PCOLCE2: variants seen among roughly 807,000 people sequenced by gnomAD.
The protein encoded by PCOLCE2 is procollagen C-endopeptidase enhancer 2.
A neutral mutation model predicts 47.0 loss-of-function variants in PCOLCE2; 42 were observed. The ratio of observed to expected loss-of-function variants is 0.89; its 90% CI spans 0.70 to 1.16. The LOEUF (loss-of-function observed/expected upper bound fraction) is 1.16. Among genes scored for constraint, PCOLCE2 ranks in the 50% most tolerant of loss-of-function variants. PCOLCE2 has a pLI of 0.00. For missense variants in PCOLCE2, 500 were observed against 526.1 expected, an observed-to-expected ratio of 0.95 and a Z score of 0.49; for synonymous variants, 169 against 191.7, an observed-to-expected ratio of 0.88 and a Z score of 0.98.
intron 2 of PCOLCE2, among the ~76,000 whole-genome samples, chr3:142,851,705 T>C (rs1049861444): frequency 1.3e-5 from 2 of 152,154 alleles, no homozygotes; most frequent in Admixed American, 6.5e-5. Flanking sequence ...AGGAAGAGTG[T>C]TGAAGACAGT....
chr3:142,879,707 C>T (rs963080702), intron 2 of PCOLCE2, among the ~76,000 whole-genome samples: 15 of 152,182 alleles, frequency 9.9e-5, no homozygotes, highest in Admixed American at 2.6e-4. Context: ...CGGTGGCTCA[C>T]GCCTATAATC....
chr3:142,854,504 A>T (rs1353507983), intron 2 of PCOLCE2, among the ~76,000 whole-genome samples: 1 of 152,234 alleles, frequency 6.6e-6, no homozygotes, highest in African/African-American at 2.4e-5. Flanking sequence ...GGTATATTTC[A>T]ATACTACTCT....
At chr3:142,820,821 C>T in intron 8 of PCOLCE2, 57 bp downstream of exon 8, 1 of 1,481,940 alleles carries the variant, frequency 6.7e-7, no homozygotes, top group South Asian at 1.2e-5. Flanking sequence ...CCTAGACCAA[C>T]CATGGCATGG....
At chr3:142,857,346 T>C (rs1933082538) in intron 2 of PCOLCE2, among the ~76,000 whole-genome samples, 1 of 152,156 alleles carries the variant, frequency 6.6e-6, no homozygotes, top group Non-Finnish European at 1.5e-5. Context: ...AGGAAAGGGT[T>C]TGGAAAGGAG....
intron 2 of PCOLCE2, among the ~76,000 whole-genome samples, chr3:142,883,610 G>C (rs983822839): frequency 1.2e-4 from 18 of 151,224 alleles, no homozygotes; most frequent in Admixed American, 1.1e-3. Flanking sequence ...GTAGAGACAG[G>C]GTTTCACCAC....
intron 6 of PCOLCE2, among the ~76,000 whole-genome samples, chr3:142,825,696 G>C (rs1010506820): frequency 6.6e-6 from 1 of 151,932 alleles, no homozygotes; most frequent in Non-Finnish European, 1.5e-5. Context: ...TTCCCAACCC[G>C]TCAGCCCTGG....
At position 142,848,421 on chromosome 3, in the gene PCOLCE2, T is replaced by C; in HGVS notation, c.244A>G (p.Ser82Gly). Residue 82 changes from serine to glycine, a missense_variant, in exon 3 of 9, where the codon AGT becomes GGT. Transcript: ENST00000295992. ...VLNFRFIDLESDNLCRYDFVD... is the reference protein window; with the variant it reads ...VLNFRFIDLEGDNLCRYDFVD... ...AAGTCATAGCGGCACAGGTTGTCACTCTCGAGGTCTATGAATCGGAAATTG... is the reference window on the plus strand; with the variant it reads ...AAGTCATAGCGGCACAGGTTGTCACCCTCGAGGTCTATGAATCGGAAATTG... 5 of 1,609,018 alleles carry C rather than the reference T, an allele frequency of 3.1e-6. No individual in the cohort carries two copies. The highest frequency in any genetic ancestry group is 1.7e-5 in the Admixed American group (1 of 59,902).
At chr3:142,845,864 G>A (rs902506616) in intron 3 of PCOLCE2, among the ~76,000 whole-genome samples, 3 of 152,218 alleles carry the variant, frequency 2.0e-5, no homozygotes, top group South Asian at 2.1e-4. Flanking sequence ...AATCCCAGCT[G>A]CTTGAGAGGT....
At position 142,818,212 on chromosome 3, in the gene PCOLCE2, G is replaced by T; in HGVS notation, c.*123C>A. The T allele has an allele frequency of 2.2e-6, 2 of 919,728 alleles. No individual in the cohort carries two copies. Among genetic ancestry groups the T allele is most frequent in the Non-Finnish European group, 3.3e-6 (2 of 601,832 alleles). The allele number at this position is 919,728 out of a possible 1,614,324, so 57.0% of individuals were successfully genotyped here. ...CCTCCATCATGTGAAGAGTCAACCA[G>T]TCCCATCTTTCGGAATCCTCTTTCA... On this transcript the variant is annotated 3_prime_UTR_variant, in exon 9 of 9. Transcript: ENST00000295992.
At chr3:142,878,785 C>T (rs1227485930) in intron 2 of PCOLCE2, among the ~76,000 whole-genome samples, 11 of 151,700 alleles carry the variant, frequency 7.3e-5, no homozygotes, top group African/African-American at 2.7e-4. Flanking sequence ...ATCCAGGAAG[C>T]GGAGGCTGCA....
intron 2 of PCOLCE2, among the ~76,000 whole-genome samples, chr3:142,855,289 T>C (rs999424469): frequency 7.9e-5 from 12 of 152,176 alleles, no homozygotes; most frequent in Non-Finnish European, 1.5e-4. Flanking sequence ...TTGGCTACTA[T>C]GAGTACTCAG....
At chr3:142,876,912 T>C (rs1933507304) in intron 2 of PCOLCE2, among the ~76,000 whole-genome samples, 1 of 152,096 alleles carries the variant, frequency 6.6e-6, no homozygotes, top group South Asian at 2.1e-4. Flanking sequence ...GGAGGTGTGG[T>C]GATTGGGGAG....
chr3:142,821,956 T>G (rs1937020881), intron 7 of PCOLCE2, among the ~76,000 whole-genome samples: 2 of 152,074 alleles, frequency 1.3e-5, no homozygotes, highest in Non-Finnish European at 2.9e-5. Flanking sequence ...TCGCTCTTGT[T>G]GCCCAGGCTG....
intron 2 of PCOLCE2, among the ~76,000 whole-genome samples, chr3:142,879,970 CAAAAAAAAAA>C (rs772887718): frequency 1.9e-5 from 1 of 53,524 alleles, no homozygotes; most frequent in Admixed American, 2.0e-4. Flanking sequence ...GACTCCATCT[CAAAAAAAAAA>C]AAAAAAAAAA....
chr3:142,832,974 C>T (rs943093824), intron 5 of PCOLCE2, among the ~76,000 whole-genome samples: 2 of 152,136 alleles, frequency 1.3e-5, no homozygotes, highest in African/African-American at 4.8e-5. Flanking sequence ...CAGTCAAACC[C>T]CTGGTAAATG....
In PCOLCE2 at chr3:142,883,479, G is replaced by T. The variant is rs186895087; in HGVS notation, c.192+4190C>A. ...TTGTTGCCCAGGCTGGAGTGCAATGGCATGATCTCGGCTCACTGCAACCTC... is the reference window on the plus strand; with the variant it reads ...TTGTTGCCCAGGCTGGAGTGCAATGTCATGATCTCGGCTCACTGCAACCTC... On this transcript the variant is annotated intron_variant, in intron 2 of 8. Transcript: ENST00000295992. 1.5e-3 allele frequency among the ~76,000 whole-genome samples: 229 copies of T among 151,816 alleles called. 1 individual carries two copies. Among genetic ancestry groups the T allele is most frequent in the African/African-American group, 5.4e-3 (223 of 41,436 alleles).
At chr3:142,831,534 C>T (rs1317576687) in intron 5 of PCOLCE2, among the ~76,000 whole-genome samples, 1 of 152,200 alleles carries the variant, frequency 6.6e-6, no homozygotes, top group Non-Finnish European at 1.5e-5. Flanking sequence ...CTTCCAGCCA[C>T]AAAAGTGATG....
intron 2 of PCOLCE2, among the ~76,000 whole-genome samples, chr3:142,855,717 A>C (rs1291853304): frequency 6.6e-6 from 1 of 152,210 alleles, no homozygotes; most frequent in Non-Finnish European, 1.5e-5. Flanking sequence ...CTCCAGGCCT[A>C]GCCATAAGAC....
At chr3:142,851,274 A>G (rs890594541) in intron 2 of PCOLCE2, among the ~76,000 whole-genome samples, 1 of 152,200 alleles carries the variant, frequency 6.6e-6, no homozygotes, top group African/African-American at 2.4e-5. Flanking sequence ...ATGAATTAAA[A>G]TTAAGACCTC....
Sources: allele counts gnomAD v4.1 joint callset (sites outside exome capture counted in the v4.1 genomes callset), GRCh38; gene constraint gnomAD v4.1.1; transcripts MANE v1.5; gene names NCBI Gene and HGNC (gene_info 2026-07-23, HGNC 2026-07-21).